Variants in CRACR2A observed in about 807,000 individuals in gnomAD.
CRACR2A encodes the protein calcium release activated channel regulator 2A.
A neutral mutation model predicts 90.5 loss-of-function variants in CRACR2A; 79 were observed. The ratio of observed to expected loss-of-function variants is 0.87; its 90% confidence interval spans 0.73 to 1.05. CRACR2A has a LOEUF of 1.05. Ranked by LOEUF, CRACR2A falls within the 50% of genes least tolerant of loss-of-function variation. The pLI is 0.00. For missense variants in CRACR2A, 823 were observed against 897.2 expected, an observed-to-expected ratio of 0.92 and a Z score of 1.06; for synonymous variants, 338 against 356.7, an observed-to-expected ratio of 0.95 and a Z score of 0.59.
chr12:3,664,999 T>C (rs932296625), intron 7 of CRACR2A, among the ~76,000 whole-genome samples: 2 of 152,232 alleles, frequency 1.3e-5, no homozygotes, highest in African/African-American at 2.4e-5. Context: ...AGAGTGAGAC[T>C]CCGTCTCAAA....
chr12:3,663,271 G>A (rs1266841604), intron 7 of CRACR2A, among the ~76,000 whole-genome samples: 2 of 151,864 alleles, frequency 1.3e-5, no homozygotes, highest in Non-Finnish European at 2.9e-5. Flanking sequence ...TACCATGGGA[G>A]TTAAAGAACT....
intron 2 of CRACR2A, among the ~76,000 whole-genome samples, chr12:3,720,329 A>G (rs922743329): frequency 1.4e-5 from 2 of 146,910 alleles, no homozygotes; most frequent in African/African-American, 5.0e-5. Context: ...GAGAGACAGA[A>G]AGAAAAGAAA....
chr12:3,705,452 A>G (rs1945901489), intron 3 of CRACR2A, among the ~76,000 whole-genome samples: 1 of 152,144 alleles, frequency 6.6e-6, no homozygotes, highest in Non-Finnish European at 1.5e-5. Context: ...TCCACACCAC[A>G]CCAGTGGCAA....
chr12:3,747,271 C>G (rs7307292), intron 1 of CRACR2A, among the ~76,000 whole-genome samples: 2,536 of 152,276 alleles, frequency 0.017, 62 homozygotes, highest in African/African-American at 0.058. Flanking sequence ...GGAGGATGAT[C>G]ATAACAGTGC....
Position 3,638,178 on chromosome 12 carries a change from T to A in CRACR2A, c.1548A>T (p.Lys516Asn). Residue 516 changes from lysine to asparagine, a missense_variant, in exon 14 of 20, where the codon AAA (lysine) becomes AAT (asparagine). Transcript: ENST00000440314. ...QGQIPEAPPL[K>N]LTPTSPRGQP... is the part of the protein sequence containing the mutation. ...GCCCTCGGGGGGATGTGGGGGTGAGTTTCAAGGGTGGGGCCTCCGGGATTT... is the reference window on the plus strand; with the variant it reads ...GCCCTCGGGGGGATGTGGGGGTGAGATTCAAGGGTGGGGCCTCCGGGATTT... The A allele has an allele frequency of 6.5e-7, 1 of 1,549,202 alleles. No homozygotes were observed. Among genetic ancestry groups the A allele is most frequent in the Non-Finnish European group, 8.7e-7 (1 of 1,145,632 alleles).
intron 7 of CRACR2A, among the ~76,000 whole-genome samples, chr12:3,660,887 C>CACA (rs1271154180): frequency 8.9e-4 from 106 of 118,976 alleles, no homozygotes; most frequent in Middle Eastern, 4.3e-3. Context: ...CACACACACA[C>CACA]AATTTTGGCC....
At chr12:3,636,302 G>A (rs956567164) in intron 14 of CRACR2A, among the ~76,000 whole-genome samples, 4 of 152,198 alleles carry the variant, frequency 2.6e-5, no homozygotes, top group East Asian at 3.8e-4. Context: ...GCCTTCAAAC[G>A]AGCGTACCTT....
chr12:3,654,765 C>T (rs1481811359), intron 9 of CRACR2A, among the ~76,000 whole-genome samples: 1 of 152,206 alleles, frequency 6.6e-6, no homozygotes, highest in Non-Finnish European at 1.5e-5. Context: ...AATTTCTTTC[C>T]CTTGGTCCTT....
Position 3,660,863 on chromosome 12 carries a change from CACACACACACACACACACACACACAA to C in CRACR2A, c.672-1235_672-1210del, listed in dbSNP as rs1212929952. Among the ~76,000 whole-genome samples, 42 of 146,696 alleles carry C rather than the reference CACACACACACACACACACACACACAA, an allele frequency of 2.9e-4. 1 individual carries two copies. The South Asian group carries it at 7.7e-3, about 27-fold the overall frequency. ...ACACACACACACACACACACACACA[CACACACACACACACACACACACACAA>C]TTTTGGCCCCTGCCATTCTAACTTA... On this transcript the variant is annotated intron_variant, in intron 7 of 19. Coordinates refer to ENST00000440314, the MANE Select transcript of CRACR2A (RefSeq NM_001144958.2).
chr12:3,631,626 C>T (rs569734018), intron 15 of CRACR2A, among the ~76,000 whole-genome samples: 2 of 152,344 alleles, frequency 1.3e-5, no homozygotes, highest in African/African-American at 4.8e-5. Context: ...TGCACTTCTT[C>T]CCATCTGGGT....
intron 1 of CRACR2A, among the ~76,000 whole-genome samples, chr12:3,737,567 C>G (rs1050142241): frequency 2.6e-5 from 4 of 152,146 alleles, no homozygotes; most frequent in African/African-American, 9.7e-5. Flanking sequence ...GGGGGAATCA[C>G]TACAGCCCAG....
At chr12:3,698,873 T>C (rs1035717656) in intron 3 of CRACR2A, among the ~76,000 whole-genome samples, 1 of 152,166 alleles carries the variant, frequency 6.6e-6, no homozygotes, top group Non-Finnish European at 1.5e-5. Flanking sequence ...ATATACCACA[T>C]GAGCAGAACA....
At chr12:3,747,604 A>T (rs1249982492) in intron 1 of CRACR2A, among the ~76,000 whole-genome samples, 1 of 152,218 alleles carries the variant, frequency 6.6e-6, no homozygotes, top group Non-Finnish European at 1.5e-5. Flanking sequence ...AGTGAAAATA[A>T]ACCAATCACC....
chr12:3,632,829 A>G (rs1352694937), intron 15 of CRACR2A, among the ~76,000 whole-genome samples: 2 of 152,252 alleles, frequency 1.3e-5, no homozygotes, highest in African/African-American at 4.8e-5. Flanking sequence ...CAGTTGACTT[A>G]TCAGCTCAGT....
intron 6 of CRACR2A, among the ~76,000 whole-genome samples, chr12:3,675,260 C>T (rs999246588): frequency 6.6e-6 from 1 of 151,942 alleles, no homozygotes; most frequent in Non-Finnish European, 1.5e-5. Context: ...CTAGCAATGC[C>T]CCTGTGGTAT....
chr12:3,704,010 T>A (rs1412520273), intron 3 of CRACR2A, among the ~76,000 whole-genome samples: 1 of 152,220 alleles, frequency 6.6e-6, no homozygotes, highest in Admixed American at 6.5e-5. Context: ...TTGGAAAACA[T>A]TTGACAGTTT....
chr12:3,680,056 A>G (rs1945416407), intron 5 of CRACR2A, among the ~76,000 whole-genome samples, 182 bp downstream of exon 5: 1 of 152,184 alleles, frequency 6.6e-6, no homozygotes. Flanking sequence ...TAAGCAGTTG[A>G]GACGGGCATG....
Position 3,739,849 on chromosome 12 carries a change from G to T in CRACR2A, c.-386-6639C>A, listed in dbSNP as rs546493538. On this transcript the variant is annotated intron_variant, in intron 1 of 19. Transcript: ENST00000440314. ...CTCAGGAGGCTGAGGCAGGAGAATC[G>T]CTTGAACCAGGGAGTTGGAGGTTGC... 2.6e-5 allele frequency among the ~76,000 whole-genome samples: 4 copies of T among 151,372 alleles called. No individual in the cohort carries two copies. The East Asian group carries it at 7.8e-4, about 29-fold the overall frequency.
At chr12:3,682,927 C>T (rs1387396247) in intron 4 of CRACR2A, among the ~76,000 whole-genome samples, 5 of 151,948 alleles carry the variant, frequency 3.3e-5, no homozygotes, top group Non-Finnish European at 7.4e-5. Context: ...GGACTACAAA[C>T]GCCCACCACC....
Sources: gnomAD v4.1 joint callset for allele counts (sites outside exome capture counted in the v4.1 genomes callset) on GRCh38, gnomAD v4.1.1 for gene constraint, MANE v1.5 for transcripts, NCBI Gene and HGNC (gene_info 2026-07-23, HGNC 2026-07-21) for gene names.